The following C2CD5 variants were observed in gnomAD, a reference collection of about 807,000 sequenced individuals.
The protein encoded by C2CD5 is C2 calcium dependent domain containing 5, also known as C2 domain-containing protein 5.
A neutral mutation model predicts 130.3 loss-of-function variants in C2CD5; 109 were observed. The ratio of observed to expected loss-of-function variants is 0.84; its 90% confidence interval spans 0.72 to 0.98. The LOEUF (loss-of-function observed/expected upper bound fraction) is 0.98, where lower values mean the gene tolerates loss of function less well. Among genes scored for constraint, C2CD5 ranks in the 50% least tolerant of loss-of-function variants. The pLI, the probability that C2CD5 is intolerant of heterozygous loss-of-function variation, is 0.00. For synonymous variants in C2CD5, 454 were observed against 429.2 expected (o/e 1.06, Z -0.71); for missense variants, 996 against 1,261.8 (o/e 0.79, Z 3.19).
intron 22 of C2CD5, among the ~76,000 whole-genome samples, chr12:22,465,563 T>G (rs1355838800): frequency 6.6e-6 from 1 of 152,152 alleles, no homozygotes; most frequent in Non-Finnish European, 1.5e-5. Context: ...TATAAAATTC[T>G]TGAGATAAAC....
intron 10 of C2CD5, among the ~76,000 whole-genome samples, chr12:22,504,983 A>G (rs764993840): frequency 4.5e-4 from 68 of 152,208 alleles, no homozygotes; most frequent in Non-Finnish European, 7.2e-4. Flanking sequence ...AAGAAGGGGA[A>G]AAAAAGAGAA....
intron 2 of C2CD5, among the ~76,000 whole-genome samples, chr12:22,542,243 A>T (rs1224221056): frequency 6.6e-6 from 1 of 152,210 alleles, no homozygotes; most frequent in African/African-American, 2.4e-5. Flanking sequence ...ATTTCTGCTT[A>T]AAAAACTCCC....
At chr12:22,527,628 T>C in intron 4 of C2CD5, 93 bp downstream of exon 4, 2 of 751,312 alleles carry the variant, frequency 2.7e-6, no homozygotes, top group Middle Eastern at 4.0e-4. Context: ...TAAAGATACA[T>C]ATTTTAAACC....
chr12:22,497,464 T>C (rs1565731000), intron 10 of C2CD5: 1 of 176,384 alleles, frequency 5.7e-6, no homozygotes, highest in Non-Finnish European at 1.1e-5. Context: ...AGTTATTCAA[T>C]CTAATTTATA....
chr12:22,506,487 T>A (rs1481605938), intron 10 of C2CD5, among the ~76,000 whole-genome samples: 1 of 152,212 alleles, frequency 6.6e-6, no homozygotes, highest in African/African-American at 2.4e-5. Context: ...TAAAGTGATA[T>A]TGTGACCAAA....
chr12:22,486,710 T>C (rs1407966396), intron 12 of C2CD5, among the ~76,000 whole-genome samples: 1 of 152,234 alleles, frequency 6.6e-6, no homozygotes, highest in African/African-American at 2.4e-5. Flanking sequence ...ATTTAATTTA[T>C]TGTTTTTAAT....
At chr12:22,514,599 A>T (rs1949526455) in intron 8 of C2CD5, among the ~76,000 whole-genome samples, 1 of 152,134 alleles carries the variant, frequency 6.6e-6, no homozygotes, top group Non-Finnish European at 1.5e-5. Flanking sequence ...CAAACAGAAT[A>T]ATTTACTAAT....
At chr12:22,517,942 AT>A (rs747941418) in intron 8 of C2CD5, 43 bp downstream of exon 8, 5 of 1,522,982 alleles carry the variant, frequency 3.3e-6, no homozygotes, top group Non-Finnish European at 4.4e-6. Context: ...ATAGAAACAA[AT>A]TTTTAAAAAA....
intron 7 of C2CD5, among the ~76,000 whole-genome samples, chr12:22,518,685 T>C (rs1949993068): frequency 6.6e-6 from 1 of 152,228 alleles, no homozygotes; most frequent in Non-Finnish European, 1.5e-5. Flanking sequence ...AATAGCTCTC[T>C]TCCACAGAAT....
At chr12:22,468,635 A>T (rs1942497643) in intron 22 of C2CD5, among the ~76,000 whole-genome samples, 1 of 152,308 alleles carries the variant, frequency 6.6e-6, no homozygotes, top group East Asian at 1.9e-4. Context: ...GGACATTGAG[A>T]TATGCTACAA....
At chr12:22,535,115 A>G in intron 3 of C2CD5, 143 bp downstream of exon 3, 1 of 637,818 alleles carries the variant, frequency 1.6e-6, no homozygotes, top group South Asian at 1.8e-5. Context: ...TTTAGACTCA[A>G]TATTCCTAGG....
Position 22,463,150 on chromosome 12 carries a change from G to A in C2CD5, c.2534-3608C>T, listed in dbSNP as rs554732957. Among the ~76,000 whole-genome samples the A allele has an allele frequency of 2.6e-5, 4 of 151,972 alleles. No homozygotes were observed. In the South Asian group the frequency reaches 8.3e-4, roughly 32 times the overall value. On this transcript the variant is annotated intron_variant, in intron 22 of 26. Coordinates refer to ENST00000446597, the MANE Select transcript of C2CD5 (RefSeq NM_001286176.2). Reference sequence around the variant, plus strand: ...ACCTGTAATCTCAGCACTTTGGGAGGCCAAGGCAGGCGGATCACTTGAGGT... The same window carrying A: ...ACCTGTAATCTCAGCACTTTGGGAGACCAAGGCAGGCGGATCACTTGAGGT...
intron 7 of C2CD5, among the ~76,000 whole-genome samples, chr12:22,519,711 G>A (rs1206886168): frequency 6.6e-6 from 1 of 152,068 alleles, no homozygotes; most frequent in African/African-American, 2.4e-5. Context: ...TATAAAGAAA[G>A]TTAAATAACT....
At chr12:22,492,798 G>A (rs938963623) in intron 11 of C2CD5, among the ~76,000 whole-genome samples, 1 of 152,092 alleles carries the variant, frequency 6.6e-6, no homozygotes, top group South Asian at 2.1e-4. Context: ...GGTAAAAGGA[G>A]GCAGAATGAG....
At chr12:22,501,131 T>C (rs1480286603) in intron 10 of C2CD5, among the ~76,000 whole-genome samples, 2 of 152,226 alleles carry the variant, frequency 1.3e-5, no homozygotes, top group Non-Finnish European at 2.9e-5. Context: ...TACTAAGTCT[T>C]ACCAGAAAGA....
intron 12 of C2CD5, among the ~76,000 whole-genome samples, chr12:22,489,255 G>A (rs1294578672): frequency 6.6e-6 from 1 of 151,348 alleles, no homozygotes. Flanking sequence ...TGGCATAAGG[G>A]GTAATTAAAA....
chr12:22,524,623 C>T lies in C2CD5; in HGVS notation c.450G>A (p.Thr150=), dbSNP rs768942620. The change falls in exon 6 of 27, where the codon ACG becomes ACA. Residue 150 remains threonine, a synonymous_variant. Transcript: ENST00000446597. The part of the protein sequence containing the change: ...SSCGVKFFCT[T]SIPKCYRAVI... Reference sequence around the variant, plus strand: ...CAGCTCTATAGCATTTTGGAATAGACGTTGCTGTTAAAACAAATTATTATG... The same window carrying T: ...CAGCTCTATAGCATTTTGGAATAGATGTTGCTGTTAAAACAAATTATTATG... 66 of 1,606,562 alleles carry T rather than the reference C, an allele frequency of 4.1e-5. No homozygotes were observed. In the Admixed American group the frequency reaches 5.8e-4, roughly 14 times the overall value.
intron 7 of C2CD5, among the ~76,000 whole-genome samples, chr12:22,519,431 A>G (rs1047961141): frequency 6.6e-6 from 1 of 152,148 alleles, no homozygotes; most frequent in Non-Finnish European, 1.5e-5. Context: ...ATAGTTTTAA[A>G]GTATCCGATT....
chr12:22,494,904 T>C (rs1383641998), intron 10 of C2CD5, among the ~76,000 whole-genome samples: 1 of 152,050 alleles, frequency 6.6e-6, no homozygotes, highest in Non-Finnish European at 1.5e-5. Context: ...CTCTTTTTTC[T>C]AAGACATACA....
Sources: allele counts gnomAD v4.1 joint callset (sites outside exome capture counted in the v4.1 genomes callset), GRCh38; gene constraint gnomAD v4.1.1; transcripts MANE v1.5; gene names NCBI Gene and HGNC (gene_info 2026-07-23, HGNC 2026-07-21).